CFAP299: variants seen among roughly 807,000 people sequenced by gnomAD.
CFAP299 encodes cilia and flagella associated protein 299.
CFAP299 carries 21 observed loss-of-function variants against 27.0 expected under a neutral mutation model. The observed-to-expected ratio is 0.78, with a 90% CI of 0.55 to 1.12. The LOEUF (loss-of-function observed/expected upper bound fraction) is 1.12, where lower values mean the gene tolerates loss of function less well. CFAP299 is among the 50% of genes most tolerant of loss of function. The probability of loss-of-function intolerance (pLI) is 0.00; values close to 1 mark genes in which losing one functional copy is unlikely to be tolerated. For synonymous variants in CFAP299, 104 were observed against 98.1 expected, an observed-to-expected ratio of 1.06 and a Z score of -0.36; for missense variants, 310 against 276.6, an observed-to-expected ratio of 1.12 and a Z score of -0.86.
At chr4:80,657,343 G>A (rs1372905659) in intron 3 of CFAP299, among the ~76,000 whole-genome samples, 2 of 152,090 alleles carry the variant, frequency 1.3e-5, no homozygotes, top group Admixed American at 6.6e-5. Flanking sequence ...TTTTCTTCTA[G>A]GGTTTTTATG....
intron 2 of CFAP299, among the ~76,000 whole-genome samples, chr4:80,562,024 T>C (rs1471391387): frequency 6.6e-6 from 1 of 152,094 alleles, no homozygotes; most frequent in Non-Finnish European, 1.5e-5. Flanking sequence ...GGTTAAAGTG[T>C]AGAGTTTTTG....
chr4:80,375,255 G>A (rs1724345864), intron 2 of CFAP299, among the ~76,000 whole-genome samples: 3 of 152,138 alleles, frequency 2.0e-5, no homozygotes. Flanking sequence ...ATTAACTTTT[G>A]CATTATTAAC....
intron 3 of CFAP299, among the ~76,000 whole-genome samples, chr4:80,833,768 A>G (rs1024665123): frequency 3.3e-5 from 5 of 152,210 alleles, no homozygotes; most frequent in African/African-American, 9.6e-5. Flanking sequence ...TGCCTATTCT[A>G]TAGAAGGAAA....
intron 4 of CFAP299, among the ~76,000 whole-genome samples, chr4:80,894,656 A>G (rs1488734145): frequency 6.6e-6 from 1 of 151,986 alleles, no homozygotes; most frequent in Non-Finnish European, 1.5e-5. Flanking sequence ...TAAAAAATCT[A>G]ACTACTATGT....
intron 3 of CFAP299, among the ~76,000 whole-genome samples, chr4:80,817,895 T>C (rs1729505077): frequency 6.6e-6 from 1 of 152,038 alleles, no homozygotes; most frequent in South Asian, 2.1e-4. Flanking sequence ...GTTTGTTACA[T>C]AGGTAAACTT....
intron 3 of CFAP299, among the ~76,000 whole-genome samples, chr4:80,866,059 T>TTTTATATATATA (rs886156357): frequency 7.0e-4 from 41 of 58,380 alleles, no homozygotes; most frequent in African/African-American, 1.3e-3. Flanking sequence ...ACTTAAAGTA[T>TTTTATATATATA]TATATATATA....
At chr4:80,330,932 T>C (rs996452356), upstream of CFAP299, among the ~76,000 whole-genome samples, 6 of 152,198 alleles carry the variant, frequency 3.9e-5, no homozygotes, top group African/African-American at 1.4e-4. Context: ...TGAAGAGGGT[T>C]GACATAGTCT....
chr4:80,631,861 CCCA>C (rs199744399), intron 3 of CFAP299, among the ~76,000 whole-genome samples: 15,868 of 54,400 alleles, frequency 0.29, 4,413 homozygotes, highest in South Asian at 0.57. Context: ...ATATTTGTGC[CCCA>C]CCCCCCCCCA....
At chr4:80,722,978 G>T (rs545423756) in intron 3 of CFAP299, among the ~76,000 whole-genome samples, 2 of 152,188 alleles carry the variant, frequency 1.3e-5, no homozygotes, top group African/African-American at 4.8e-5. Context: ...CAGATGGATG[G>T]CAATAAACAC....
At chr4:80,842,764 A>G (rs1441015581) in intron 3 of CFAP299, among the ~76,000 whole-genome samples, 1 of 152,102 alleles carries the variant, frequency 6.6e-6, no homozygotes, top group Non-Finnish European at 1.5e-5. Context: ...ATTGCCAACA[A>G]AACATCAGAG....
intron 5 of CFAP299, among the ~76,000 whole-genome samples, chr4:80,950,368 G>A (rs575432923): frequency 6.6e-6 from 1 of 152,228 alleles, no homozygotes; most frequent in Admixed American, 6.5e-5. Flanking sequence ...TAACTGGTGA[G>A]TGGGTGGGAA....
rs184659648 is a variant in CFAP299, at chr4:80,337,927, A to G, written c.111+2048A>G. 3.4e-3 allele frequency among the ~76,000 whole-genome samples: 511 copies of G among 151,522 alleles called. 7 individuals carry two copies. The highest frequency in any genetic ancestry group is 0.012 in the African/African-American group (483 of 41,234). On this transcript the variant is annotated intron_variant, in intron 1 of 5. Coordinates refer to ENST00000358105, the MANE Select transcript of CFAP299 (RefSeq NM_152770.3). ...GATTAGTGACAACTTTTAAAGTGCT[A>G]TTATTTCTAGAGATCTACATTCTCA... is the stretch of plus-strand genomic sequence containing the variant.
chr4:80,741,682 G>C (rs956094744), intron 3 of CFAP299, among the ~76,000 whole-genome samples: 1 of 152,246 alleles, frequency 6.6e-6, no homozygotes, highest in Non-Finnish European at 1.5e-5. Context: ...TATTCCCTTA[G>C]CCATGCCAGC....
chr4:80,752,856 A>G (rs1341172248), intron 3 of CFAP299, among the ~76,000 whole-genome samples: 3 of 152,000 alleles, frequency 2.0e-5, no homozygotes, highest in Non-Finnish European at 2.9e-5. Flanking sequence ...GTTAATGCCT[A>G]TTTTTAAATA....
intron 3 of CFAP299, among the ~76,000 whole-genome samples, chr4:80,775,465 G>GT (rs1726482733): frequency 6.6e-6 from 1 of 151,746 alleles, no homozygotes; most frequent in African/African-American, 2.4e-5. Context: ...TCTTCTATCT[G>GT]TAATACACCA....
intron 2 of CFAP299, among the ~76,000 whole-genome samples, chr4:80,537,474 G>A (rs1052992589): frequency 8.5e-5 from 13 of 152,150 alleles, no homozygotes; most frequent in African/African-American, 2.9e-4. Context: ...AGAAAATGTG[G>A]TGTATACATA....
intron 2 of CFAP299, among the ~76,000 whole-genome samples, chr4:80,556,298 T>C (rs1201609461): frequency 2.0e-5 from 3 of 152,084 alleles, no homozygotes; most frequent in Non-Finnish European, 1.5e-5. Context: ...AAGTCTCTTT[T>C]TTGAGAAGGA....
At chr4:80,948,304 A>G (rs1737577824) in intron 5 of CFAP299, among the ~76,000 whole-genome samples, 3 of 152,162 alleles carry the variant, frequency 2.0e-5, no homozygotes, top group Non-Finnish European at 4.4e-5. Context: ...ATTGGTTAGG[A>G]AATTCCAAAT....
intron 3 of CFAP299, among the ~76,000 whole-genome samples, chr4:80,702,433 T>A (rs1174479529): frequency 6.6e-6 from 1 of 151,896 alleles, no homozygotes; most frequent in African/African-American, 2.4e-5. Flanking sequence ...AGCTGTTTTT[T>A]AAGTGGAATA....
Sources: allele counts gnomAD v4.1 joint callset (sites outside exome capture counted in the v4.1 genomes callset), GRCh38; gene constraint gnomAD v4.1.1; transcripts MANE v1.5; gene names NCBI Gene and HGNC (gene_info 2026-07-23, HGNC 2026-07-21).